AGTPBP1: variants seen among roughly 807,000 people sequenced by gnomAD.
AGTPBP1 encodes cytosolic carboxypeptidase 1.
A neutral mutation model predicts 143.9 loss-of-function variants in AGTPBP1; 70 were observed. The observed-to-expected ratio is 0.49, with a 90% CI of 0.40 to 0.59. AGTPBP1 has a LOEUF of 0.59. Among genes scored for constraint, AGTPBP1 ranks in the 20% least tolerant of loss-of-function variants. The pLI, the probability that AGTPBP1 is intolerant of heterozygous loss-of-function variation, is 0.00. For synonymous variants in AGTPBP1, 463 were observed against 500.2 expected, an observed-to-expected ratio of 0.93 and a Z score of 0.99; for missense variants, 1,229 against 1,464.5, an observed-to-expected ratio of 0.84 and a Z score of 2.62.
intron 17 of AGTPBP1, among the ~76,000 whole-genome samples, chr9:85,616,581 A>G (rs1830613244): frequency 6.6e-6 from 1 of 151,992 alleles, no homozygotes; most frequent in Admixed American, 6.5e-5. Context: ...TTATATCAGG[A>G]ATAAATATGC....
the AGTPBP1 span, among the ~76,000 whole-genome samples, chr9:85,790,015 C>T: frequency 5.3e-5 from 8 of 152,260 alleles, no homozygotes; most frequent in African/African-American, 1.9e-4. Flanking sequence ...TAGAAAGTTA[C>T]TTATGTCCAC....
the AGTPBP1 span, among the ~76,000 whole-genome samples, chr9:85,749,160 C>T: frequency 9.0e-3 from 1,367 of 151,876 alleles, 15 homozygotes; most frequent in Non-Finnish European, 0.014. Context: ...GTACCTCACA[C>T]ATTTTTTAAT....
chr9:85,804,205 A>G, the AGTPBP1 span, among the ~76,000 whole-genome samples: 1 of 152,048 alleles, frequency 6.6e-6, no homozygotes, highest in African/African-American at 2.4e-5. Context: ...AAATTCATCC[A>G]TTTGGTATCT....
chr9:85,616,616 A>G (rs1439534293), intron 17 of AGTPBP1, among the ~76,000 whole-genome samples: 1 of 151,960 alleles, frequency 6.6e-6, no homozygotes, highest in Non-Finnish European at 1.5e-5. Context: ...CGTAAGGTGC[A>G]CCCACCATAC....
chr9:85,702,641 G>A (rs1327593916), intron 2 of AGTPBP1, among the ~76,000 whole-genome samples: 4 of 149,828 alleles, frequency 2.7e-5, no homozygotes, highest in African/African-American at 4.9e-5. Flanking sequence ...TTCTGGTAAC[G>A]ACTCTCTGTC....
At chr9:85,564,990 A>G (rs1254110561) in intron 25 of AGTPBP1, among the ~76,000 whole-genome samples, 2 of 152,192 alleles carry the variant, frequency 1.3e-5, no homozygotes, top group African/African-American at 4.8e-5. Flanking sequence ...CAGTGAGAAG[A>G]AGGCCACCTA....
At chr9:85,555,555 T>G (rs1826285209) in intron 25 of AGTPBP1, among the ~76,000 whole-genome samples, 1 of 152,162 alleles carries the variant, frequency 6.6e-6, no homozygotes, top group Admixed American at 6.5e-5. Flanking sequence ...GCCGAGATCG[T>G]GCCACTGCAC....
the AGTPBP1 span, chr9:85,793,331 T>C: frequency 6.6e-6 from 1 of 152,210 alleles, no homozygotes; most frequent in East Asian, 1.9e-4. Flanking sequence ...CATGTATAGG[T>C]ATATGATCAA....
At chr9:85,646,481 T>C (rs1190102568) in intron 11 of AGTPBP1, 63 bp from the exon 12 acceptor site, 14 of 1,077,382 alleles carry the variant, frequency 1.3e-5, no homozygotes, top group East Asian at 2.4e-5. Context: ...GCATAGCCAA[T>C]GGTAGAATGT....
At chr9:85,730,241 C>A (rs563357059) in intron 1 of AGTPBP1, among the ~76,000 whole-genome samples, 1 of 152,344 alleles carries the variant, frequency 6.6e-6, no homozygotes, top group South Asian at 2.1e-4. Flanking sequence ...CCTAAGTAAG[C>A]CACTTAATGC....
At chr9:85,784,408 G>T in the AGTPBP1 span, among the ~76,000 whole-genome samples, 1 of 152,048 alleles carries the variant, frequency 6.6e-6, no homozygotes, top group African/African-American at 2.4e-5. Flanking sequence ...GTCACCTGGG[G>T]AGCAGGATTT....
the AGTPBP1 span, chr9:85,764,979 A>G: frequency 1.3e-6 from 1 of 741,582 alleles, no homozygotes; most frequent in East Asian, 2.5e-5. Context: ...CACTTGAGTG[A>G]TTTCCTCAGT....
intron 11 of AGTPBP1, among the ~76,000 whole-genome samples, chr9:85,654,759 C>T (rs1833387362): frequency 6.6e-6 from 1 of 151,860 alleles, no homozygotes; most frequent in South Asian, 2.1e-4. Flanking sequence ...AGGAGAATTG[C>T]TTGAACACGG....
At chr9:85,772,983 C>T in the AGTPBP1 span, among the ~76,000 whole-genome samples, 26 of 151,692 alleles carry the variant, frequency 1.7e-4, no homozygotes, top group South Asian at 4.4e-3. Context: ...ATGAAAGTGT[C>T]GGCTGGGCAC....
intron 1 of AGTPBP1, among the ~76,000 whole-genome samples, chr9:85,714,423 T>C (rs1837571799): frequency 6.6e-6 from 1 of 152,188 alleles, no homozygotes; most frequent in South Asian, 2.1e-4. Context: ...AGGATAACAA[T>C]GGAAGAGATG....
intron 25 of AGTPBP1, among the ~76,000 whole-genome samples, chr9:85,561,957 G>A (rs754997976): frequency 6.6e-6 from 1 of 150,948 alleles, no homozygotes; most frequent in African/African-American, 2.4e-5. Flanking sequence ...TCAGCCTCCC[G>A]AGTAGCTAGG....
chr9:85,652,047 T>C (rs1587830829), intron 11 of AGTPBP1, among the ~76,000 whole-genome samples: 1 of 152,208 alleles, frequency 6.6e-6, no homozygotes, highest in East Asian at 1.9e-4. Context: ...GGATAGAGGC[T>C]GGTCACTAGA....
intron 25 of AGTPBP1, among the ~76,000 whole-genome samples, chr9:85,566,959 C>CTTT (rs1827146378): frequency 6.6e-6 from 1 of 152,198 alleles, no homozygotes; most frequent in South Asian, 2.1e-4. Flanking sequence ...GGAATCACAG[C>CTTT]CAGAACTTTC....
chr9:85,731,548 C>T (rs760336979), intron 1 of AGTPBP1, among the ~76,000 whole-genome samples: 19 of 152,082 alleles, frequency 1.2e-4, no homozygotes, highest in Non-Finnish European at 2.4e-4. Flanking sequence ...CAGCCTCAAA[C>T]TCCTGGGCTC....
Sources: gnomAD v4.1 joint callset for allele counts (sites outside exome capture counted in the v4.1 genomes callset) on GRCh38, gnomAD v4.1.1 for gene constraint, MANE v1.5 for transcripts, NCBI Gene and HGNC (gene_info 2026-07-23, HGNC 2026-07-21) for gene names.